The following TSNARE1 variants were observed in gnomAD, a reference collection of about 807,000 sequenced individuals.
The protein encoded by TSNARE1 is t-SNARE domain-containing protein 1.
In TSNARE1, 49 loss-of-function variants were observed where a neutral mutation model predicts 62.0. The observed-to-expected ratio is 0.79, with a 90% confidence interval of 0.63 to 1.00. The LOEUF (loss-of-function observed/expected upper bound fraction) is 1.00, where lower values mean the gene tolerates loss of function less well. TSNARE1 is among the 50% of genes least tolerant of loss of function. The pLI, the probability that TSNARE1 is intolerant of heterozygous loss-of-function variation, is 0.00. For synonymous variants in TSNARE1, 328 were observed against 294.4 expected (o/e 1.11, Z -1.17); for missense variants, 755 against 700.1 (o/e 1.08, Z -0.88).
chr8:142,366,076 G>T (rs1835529654), intron 1 of TSNARE1: 2 of 344,342 alleles, frequency 5.8e-6, no homozygotes, highest in Non-Finnish European at 1.1e-5. Context: ...GAAGGCTGTT[G>T]ACCAGGCTGG....
intron 1 of TSNARE1, among the ~76,000 whole-genome samples, chr8:142,385,083 A>G (rs560803939): frequency 6.6e-6 from 1 of 152,068 alleles, no homozygotes; most frequent in African/African-American, 2.4e-5. Flanking sequence ...AGGTGAGAGA[A>G]AGAGAGAGAG....
intron 12 of TSNARE1, chr8:142,247,850 C>A (rs966325268): frequency 2.6e-5 from 4 of 152,474 alleles, no homozygotes; most frequent in Admixed American, 1.3e-4. Context: ...ATTACAGGCA[C>A]CACCGCCATG....
chr8:142,245,712 C>G (rs551126294), intron 12 of TSNARE1, among the ~76,000 whole-genome samples: 1 of 152,306 alleles, frequency 6.6e-6, no homozygotes. Flanking sequence ...AATGGAATAA[C>G]AGACACGCAA....
chr8:142,228,123 G>A (rs1309365787), intron 13 of TSNARE1, among the ~76,000 whole-genome samples: 1 of 152,226 alleles, frequency 6.6e-6, no homozygotes, highest in East Asian at 1.9e-4. Context: ...TGAGTCTTCA[G>A]ATGATGCAGC....
chr8:142,277,198 G>A (rs1820643633), intron 11 of TSNARE1: 1 of 985,258 alleles, frequency 1.0e-6, no homozygotes, highest in African/African-American at 1.7e-5. Context: ...CACAGGGGGT[G>A]CTCCACGGGG....
intron 13 of TSNARE1, among the ~76,000 whole-genome samples, chr8:142,223,300 A>T (rs1162653683): frequency 4.3e-5 from 2 of 46,000 alleles, no homozygotes; most frequent in African/African-American, 1.0e-4. Context: ...TCACTCAACC[A>T]CTCACTCATT....
At chr8:142,276,489 G>A (rs1820519717) in intron 11 of TSNARE1, 10 of 985,476 alleles carry the variant, frequency 1.0e-5, no homozygotes, top group Non-Finnish European at 1.2e-5. Flanking sequence ...GTAACAGCCT[G>A]GCCTCGCTTC....
intron 2 of TSNARE1, among the ~76,000 whole-genome samples, chr8:142,346,878 G>C (rs567736159): frequency 7.2e-5 from 11 of 152,336 alleles, no homozygotes; most frequent in South Asian, 2.1e-4. Flanking sequence ...CGTCTAGGGG[G>C]ACCCTACAGC....
chr8:142,278,061 G>A (rs1820788293), intron 11 of TSNARE1: 4 of 985,292 alleles, frequency 4.1e-6, no homozygotes, highest in African/African-American at 1.7e-5. Flanking sequence ...GGCCTGCACA[G>A]GCCTGAGAGG....
chr8:142,218,998 G>A (rs1217130402), intron 13 of TSNARE1, among the ~76,000 whole-genome samples: 1 of 152,154 alleles, frequency 6.6e-6, no homozygotes, highest in Non-Finnish European at 1.5e-5. Flanking sequence ...ATTTCAGAAC[G>A]AGCTTTGCAG....
At chr8:142,231,288 TAA>T (rs967272777) in intron 12 of TSNARE1, among the ~76,000 whole-genome samples, 1 of 152,130 alleles carries the variant, frequency 6.6e-6, no homozygotes, top group Admixed American at 6.5e-5. Flanking sequence ...CTCAAAAAGG[TAA>T]AGAGACCTTC....
rs567361796 is a variant in TSNARE1, at chr8:142,382,401, G to A, written c.-40+20703C>T. On this transcript the variant is annotated intron_variant, in intron 1 of 13. Transcript: ENST00000524325. ...TCCCTCCCAACCTCCATCATTCCCC[G>A]GGAGGCCGGCCTCTGCCCACTGACC... Among the ~76,000 whole-genome samples, 13 of 152,268 alleles carry A rather than the reference G, an allele frequency of 8.5e-5. No individual in the cohort carries two copies. In the South Asian group the frequency reaches 1.2e-3, roughly 15 times the overall value.
chr8:142,377,056 C>T (rs1383485442), intron 1 of TSNARE1, among the ~76,000 whole-genome samples: 5 of 152,246 alleles, frequency 3.3e-5, no homozygotes, highest in African/African-American at 7.2e-5. Context: ...CTGCCACCTC[C>T]CCCCGTCAAC....
At position 142,260,021 on chromosome 8, in the gene TSNARE1, G is replaced by A. The variant is rs558941434; in HGVS notation, c.1446+14760C>T. Among the ~76,000 whole-genome samples, 59 of 151,872 alleles carry A rather than the reference G, an allele frequency of 3.9e-4. 1 individual carries two copies. The highest frequency in any genetic ancestry group is 1.4e-3 in the African/African-American group (57 of 41,424). ...CGCAGAGGCCCAGGACTCACCCTCT[G>A]CACTCCCCCAGCCCGCCTCTGCTTG... On this transcript the variant is annotated intron_variant, in intron 12 of 13. Transcript: ENST00000524325.
chr8:142,379,682 C>T (rs909266106), intron 1 of TSNARE1, among the ~76,000 whole-genome samples: 5 of 152,204 alleles, frequency 3.3e-5, no homozygotes, highest in African/African-American at 7.2e-5. Context: ...ACCAGACAGA[C>T]GCAGCCCCCA....
intron 10 of TSNARE1, among the ~76,000 whole-genome samples, chr8:142,299,187 C>T (rs919546521): frequency 6.6e-6 from 1 of 152,158 alleles, no homozygotes; most frequent in African/African-American, 2.4e-5. Context: ...AGGGGGTTGC[C>T]ACAGCAGAGG....
intron 12 of TSNARE1, chr8:142,271,802 G>A (rs1422293181): frequency 3.0e-6 from 2 of 675,756 alleles, no homozygotes; most frequent in Non-Finnish European, 4.3e-6. Flanking sequence ...ACCTGGAGCT[G>A]TATGGGTCTC....
intron 11 of TSNARE1, chr8:142,276,547 G>C (rs1190849675): frequency 2.0e-6 from 2 of 985,360 alleles, no homozygotes; most frequent in Non-Finnish European, 2.4e-6. Context: ...TGCCAGCAGA[G>C]ACAGGAAGGC....
At chr8:142,311,290 G>GT (rs58755110) in intron 9 of TSNARE1, among the ~76,000 whole-genome samples, 1,246 of 57,252 alleles carry the variant, frequency 0.022, 43 homozygotes, top group Non-Finnish European at 0.027. Flanking sequence ...AGCCTCTCTA[G>GT]TTTTTTTTTT....
Sources: gnomAD v4.1 joint callset for allele counts (sites outside exome capture counted in the v4.1 genomes callset) on GRCh38, gnomAD v4.1.1 for gene constraint, MANE v1.5 for transcripts, NCBI Gene and HGNC (gene_info 2026-07-23, HGNC 2026-07-21) for gene names.